The following FPR3 variants were observed in gnomAD, a reference collection of about 807,000 sequenced individuals.
FPR3 encodes N-formyl peptide receptor 3.
For synonymous variants in FPR3, 135 were observed against 163.6 expected (o/e 0.83, Z 1.34); for missense variants, 346 against 443.2 (o/e 0.78, Z 1.97).
intron 1 of FPR3, among the ~76,000 whole-genome samples, chr19:51,796,863 G>A (rs986962670): frequency 6.6e-6 from 1 of 152,176 alleles, no homozygotes; most frequent in African/African-American, 2.4e-5. Context: ...TGAGTGCCAG[G>A]GAGAGGCCAC....
At chr19:51,820,985 A>G (rs950889997) in intron 1 of FPR3, among the ~76,000 whole-genome samples, 4 of 152,208 alleles carry the variant, frequency 2.6e-5, no homozygotes, top group African/African-American at 9.6e-5. Flanking sequence ...AGTAGTAGCC[A>G]CTATTGCTAT....
At chr19:51,819,803 G>A (rs1191413078) in intron 1 of FPR3, among the ~76,000 whole-genome samples, 2 of 152,236 alleles carry the variant, frequency 1.3e-5, no homozygotes. Flanking sequence ...AAGAAATATG[G>A]GCCAAGATTG....
intron 1 of FPR3, among the ~76,000 whole-genome samples, chr19:51,815,721 C>T (rs540921492): frequency 6.6e-6 from 1 of 151,712 alleles, no homozygotes; most frequent in East Asian, 1.9e-4. Flanking sequence ...ATTAGTCAGG[C>T]GTGGTATCTC....
chr19:51,804,736 T>G (rs1170668947), intron 1 of FPR3: 1 of 152,142 alleles, frequency 6.6e-6, no homozygotes, highest in Non-Finnish European at 1.5e-5. Flanking sequence ...GGCGCCACTA[T>G]GTAACCTGCC....
At chr19:51,812,242 G>A (rs2122450540) in intron 1 of FPR3, among the ~76,000 whole-genome samples, 1 of 152,278 alleles carries the variant, frequency 6.6e-6, no homozygotes, top group South Asian at 2.1e-4. Flanking sequence ...CCAACGTAGG[G>A]TGAAATAATG....
chr19:51,823,650 A>T (rs2084207091), intron 1 of FPR3, 89 bp from the exon 2 acceptor site: 1 of 999,310 alleles, frequency 1.0e-6, no homozygotes, highest in Non-Finnish European at 1.5e-6. Context: ...GTCTGCTGGT[A>T]GGAGGAGGAG....
intron 1 of FPR3, chr19:51,805,339 G>A (rs763108270): frequency 6.6e-6 from 1 of 152,188 alleles, no homozygotes; most frequent in African/African-American, 2.4e-5. Flanking sequence ...TAGGTCCAAG[G>A]GTTGAGGCTC....
intron 1 of FPR3, among the ~76,000 whole-genome samples, chr19:51,822,916 G>A (rs2084201211): frequency 6.6e-6 from 1 of 152,102 alleles, no homozygotes; most frequent in African/African-American, 2.4e-5. Flanking sequence ...AGACTGAAGT[G>A]CAGTGGCACG....
intron 1 of FPR3, among the ~76,000 whole-genome samples, chr19:51,808,770 G>C (rs7253457): frequency 0.031 from 4,732 of 152,322 alleles, 263 homozygotes; most frequent in African/African-American, 0.11. Context: ...TACATGAATA[G>C]CTCTTAAATC....
intron 1 of FPR3, among the ~76,000 whole-genome samples, chr19:51,799,459 G>A (rs1430892933): frequency 6.6e-6 from 1 of 152,168 alleles, no homozygotes; most frequent in East Asian, 1.9e-4. Flanking sequence ...TAATACTACT[G>A]GCATAGCAGG....
intron 1 of FPR3, among the ~76,000 whole-genome samples, chr19:51,814,201 T>A (rs2084117557): frequency 6.6e-6 from 1 of 152,212 alleles, no homozygotes; most frequent in Non-Finnish European, 1.5e-5. Context: ...GCGTCTCCAC[T>A]TGTCTTCATG....
intron 1 of FPR3, among the ~76,000 whole-genome samples, chr19:51,797,274 G>A (rs1171749372): frequency 1.3e-5 from 2 of 151,620 alleles, no homozygotes; most frequent in Non-Finnish European, 2.9e-5. Context: ...GAACAGCTGA[G>A]GCGAAGAAGG....
Position 51,824,802 on chromosome 19 carries a change from G to A in FPR3, c.1054G>A (p.Ala352Thr). 1 of 1,607,646 alleles carries A rather than the reference G, an allele frequency of 6.2e-7. No homozygotes were observed. Among genetic ancestry groups the A allele is most frequent in the Non-Finnish European group, 8.5e-7 (1 of 1,176,202 alleles). Residue 352 changes from alanine to threonine, a missense_variant, in exon 2 of 2, where the codon GCA becomes ACA. Coordinates refer to ENST00000339223, the MANE Select transcript of FPR3 (RefSeq NM_002030.5). The surrounding 1 kb of genome is among the most constrained non-coding windows in gnomAD (Gnocchi z 4.7). The part of the protein sequence containing the change: ...ASPPEETELQ[A>T]M ...ACCTCCTGAGGAGACGGAGTTACAA[G>A]CAATGTGAGGTCGGGGATATTTTTG...
chr19:51,799,143 C>T (rs1403373870), intron 1 of FPR3, among the ~76,000 whole-genome samples: 13 of 152,072 alleles, frequency 8.5e-5, no homozygotes, highest in African/African-American at 2.4e-5. Flanking sequence ...GTGCGCCACA[C>T]CCCACTCCCA....
rs1469196315 is a variant in FPR3, at chr19:51,824,419, T to C, written c.671T>C (p.Ile224Thr). Residue 224 changes from isoleucine (I) to threonine (T), a missense_variant, in exon 2 of 2, where the codon ATC becomes ACC. Coordinates refer to ENST00000339223, the MANE Select transcript of FPR3 (RefSeq NM_002030.5). This position sits in a 1 kb window ranked among gnomAD's most constrained non-coding sequence, Gnocchi z 4.7. Reference protein sequence around the residue: ...MSIITVCYGIIAAKIHRNHMI... With the variant: ...MSIITVCYGITAAKIHRNHMI... ...ATCATCACAGTCTGCTATGGGATCA[T>C]CGCTGCCAAAATTCACAGAAACCAC... 1.2e-6 allele frequency: 2 copies of C among 1,614,018 alleles called. No homozygotes were observed. Among genetic ancestry groups the C allele is most frequent in the African/African-American group, 2.7e-5 (2 of 74,926 alleles).
intron 1 of FPR3, chr19:51,805,356 C>T (rs2084051515): frequency 6.6e-6 from 1 of 152,168 alleles, no homozygotes; most frequent in Non-Finnish European, 1.5e-5. Context: ...GCTCTCCAGG[C>T]CTTCCTGGAA....
At chr19:51,804,408 TATA>T (rs1196316213) in intron 1 of FPR3, among the ~76,000 whole-genome samples, 4 of 152,210 alleles carry the variant, frequency 2.6e-5, no homozygotes, top group South Asian at 2.1e-4. Flanking sequence ...TATATATGTA[TATA>T]ATATTTTAAT....
chr19:51,824,275 G>A lies in FPR3; in HGVS notation c.527G>A (p.Cys176Tyr). 6.2e-7 allele frequency: 1 copy of A among 1,614,180 alleles called. No individual in the cohort carries two copies. Among genetic ancestry groups the A allele is most frequent in the South Asian group, 1.1e-5 (1 of 91,082 alleles). Residue 176 changes from cysteine to tyrosine, a missense_variant, in exon 2 of 2, where the codon TGT (cysteine) becomes TAT (tyrosine). By Grantham distance (194) the Cys-to-Tyr change is radical. Transcript: ENST00000339223. This position sits in a 1 kb window ranked among gnomAD's most constrained non-coding sequence, Gnocchi z 4.7. ...TISTTNGDTY[C>Y]IFNFAFWGDT... ...AGTACTACGAATGGGGACACATACT[G>A]TATTTTCAACTTTGCATTCTGGGGT...
intron 1 of FPR3, among the ~76,000 whole-genome samples, chr19:51,799,105 C>T (rs1244197889): frequency 6.6e-6 from 1 of 152,070 alleles, no homozygotes; most frequent in Admixed American, 6.5e-5. Context: ...AAAAGGGAAC[C>T]ATTCGGACAT....
Sources: allele counts gnomAD v4.1 joint callset (sites outside exome capture counted in the v4.1 genomes callset), GRCh38; gene constraint gnomAD v4.1.1; non-coding constraint Gnocchi (gnomAD v3.1); transcripts MANE v1.5; gene names NCBI Gene and HGNC (gene_info 2026-07-23, HGNC 2026-07-21).